The following LRRC56 variants were observed in gnomAD, a reference collection of about 807,000 sequenced individuals.
The protein encoded by LRRC56 is leucine rich repeat containing 56, also known as leucine-rich repeat-containing protein 56.
A neutral mutation model predicts 47.8 loss-of-function variants in LRRC56; 41 were observed. That is an observed-to-expected ratio of 0.86 (90% CI 0.67 to 1.11). The LOEUF (loss-of-function observed/expected upper bound fraction) is 1.11. Ranked by LOEUF, LRRC56 falls within the 50% of genes most tolerant of loss-of-function variation. LRRC56 has a pLI of 0.00. For synonymous variants in LRRC56, 387 were observed against 311.2 expected (o/e 1.24, Z -2.56); for missense variants, 759 against 704.2 (o/e 1.08, Z -0.88).
In LRRC56 at chr11:554,707, A is replaced by C. The variant is rs1420079574; in HGVS notation, c.*431A>C. On this transcript the variant is annotated 3_prime_UTR_variant, in exon 14 of 14. Transcript: ENST00000270115. The stretch of plus-strand genomic sequence containing the variant: ...CTAGGCCGCAGTGGCCCAAGGTCCC[A>C]GCTGCTCGCCTGAGGCCGCCGGGGG... 2.2e-6 allele frequency: 1 copy of C among 451,348 alleles called. No individual in the cohort carries two copies. The highest frequency in any genetic ancestry group is 2.1e-5 in the African/African-American group (1 of 47,908). The allele number at this position is 451,348 out of a possible 1,614,324, so 28.0% of individuals were successfully genotyped here. A position where few individuals can be genotyped will look rare whatever the true frequency, so the allele number is the denominator to read the frequency against.
At chr11:509,785 G>T in the LRRC56 span, among the ~76,000 whole-genome samples, 1 of 147,070 alleles carries the variant, frequency 6.8e-6, no homozygotes, top group Non-Finnish European at 1.5e-5. Flanking sequence ...GGATGGTCTC[G>T]AGCTCCTGAC....
chr11:540,848 C>A lies in LRRC56; in HGVS notation c.164C>A (p.Ser55Tyr). Residue 55 changes from serine (S) to tyrosine (Y), a missense_variant, in exon 4 of 14, where the codon TCC (serine) becomes TAC (tyrosine). Physicochemically the swap from Ser to Tyr is moderately radical, Grantham distance 144 (BLOSUM62 -2). Transcript: ENST00000270115. ...LGEQLVEEYL[S>Y]PARLQALARV... ...GAGCAGCTGGTGGAAGAGTACCTGT[C>A]CCCTGCCCGGCTGGTGAGTGTGGGC... 6.4e-7 allele frequency: 1 copy of A among 1,564,738 alleles called. No homozygotes were observed. Among genetic ancestry groups the A allele is most frequent in the South Asian group, 1.2e-5 (1 of 85,384 alleles).
chr11:551,865 C>T (rs780128279), intron 10 of LRRC56, 38 bp downstream of exon 10: 13 of 1,610,014 alleles, frequency 8.1e-6, no homozygotes, highest in Middle Eastern at 1.6e-4. Context: ...TGCAGCCCCT[C>T]GGCCCCGAAC....
At chr11:542,925 T>C (rs1211621765) in intron 5 of LRRC56, among the ~76,000 whole-genome samples, 1 of 152,038 alleles carries the variant, frequency 6.6e-6, no homozygotes, top group African/African-American at 2.4e-5. Flanking sequence ...AGATGGAGTC[T>C]CATTCTGTCG....
chr11:518,628 T>C, the LRRC56 span, among the ~76,000 whole-genome samples: 1 of 152,072 alleles, frequency 6.6e-6, no homozygotes, highest in African/African-American at 2.4e-5. Context: ...CGGCCGCCTG[T>C]TCACTTTATT....
In LRRC56 at chr11:552,154, C is replaced by T. The variant is rs199697780; in HGVS notation, c.1103C>T (p.Thr368Ile). The change falls in exon 12 of 14, where the codon ACC (threonine) becomes ATC (isoleucine). Residue 368 changes from threonine to isoleucine, a missense_variant. Thr to Ile is a moderately conservative substitution (Grantham distance 89, BLOSUM62 -1). Coordinates refer to ENST00000270115, the MANE Select transcript of LRRC56 (RefSeq NM_198075.4). ...GGAGATCCGGCCGCCAGCACTTCCACCCCAGAGCCTGACCCTGCAGACAGC... is the reference window on the plus strand; with the variant it reads ...GGAGATCCGGCCGCCAGCACTTCCATCCCAGAGCCTGACCCTGCAGACAGC... The part of the protein sequence containing the change: ...RPGDPAASTS[T>I]PEPDPADSSD... 12 of 1,612,696 alleles carry T rather than the reference C, an allele frequency of 7.4e-6. No individual in the cohort carries two copies. The East Asian group carries it at 1.1e-4, about 15-fold the overall frequency.
At chr11:508,741 C>T in the LRRC56 span, among the ~76,000 whole-genome samples, 4 of 145,486 alleles carry the variant, frequency 2.7e-5, no homozygotes, top group East Asian at 2.0e-4. Context: ...CACTCCAGTT[C>T]GGGCAACAAG....
chr11:515,241 G>A, the LRRC56 span, among the ~76,000 whole-genome samples: 1 of 151,990 alleles, frequency 6.6e-6, no homozygotes, highest in Non-Finnish European at 1.5e-5. Context: ...GGGATGGGAG[G>A]CTCTCCCATA....
At chr11:524,503 T>C in the LRRC56 span, among the ~76,000 whole-genome samples, 1 of 152,064 alleles carries the variant, frequency 6.6e-6, no homozygotes, top group Middle Eastern at 3.4e-3. Context: ...TGGTCGCAGG[T>C]GCCTGTAATC....
chr11:518,902 C>CGGGG, the LRRC56 span, among the ~76,000 whole-genome samples: 1,619 of 150,434 alleles, frequency 0.011, 23 homozygotes, highest in Middle Eastern at 0.028. Context: ...GGGACCGGGG[C>CGGGG]GGGGGGGCGT....
chr11:506,596 C>T, the LRRC56 span: 14,838 of 152,322 alleles, frequency 0.097, 997 homozygotes, highest in Admixed American at 0.19. Flanking sequence ...CTCGCACGAC[C>T]AAGACCGCCC....
the LRRC56 span, chr11:529,407 G>A: frequency 1.3e-5 from 2 of 152,386 alleles, no homozygotes; most frequent in Non-Finnish European, 2.9e-5. Context: ...TGCAGGAGGG[G>A]GTCTCAGCAG....
intron 9 of LRRC56, 51 bp from the exon 10 acceptor site, chr11:551,600 G>A: frequency 1.3e-6 from 2 of 1,514,536 alleles, no homozygotes; most frequent in Non-Finnish European, 8.8e-7. Context: ...AGAGTCTGGG[G>A]GGCGCTCTCA....
chr11:517,725 GA>G, the LRRC56 span, among the ~76,000 whole-genome samples: 1 of 152,050 alleles, frequency 6.6e-6, no homozygotes, highest in African/African-American at 2.4e-5. Flanking sequence ...TTGTCAAAAA[GA>G]AAAGGGGGAA....
chr11:525,852 A>G, the LRRC56 span, among the ~76,000 whole-genome samples: 1 of 152,162 alleles, frequency 6.6e-6, no homozygotes, highest in South Asian at 2.1e-4. Context: ...GTGAGCTACC[A>G]TCACACCACA....
At chr11:549,287 G>A (rs1187472435) in intron 6 of LRRC56, among the ~76,000 whole-genome samples, 3 of 152,196 alleles carry the variant, frequency 2.0e-5, no homozygotes, top group Admixed American at 2.0e-4. Flanking sequence ...AGCGCTGAAG[G>A]GACGGCCTCC....
At chr11:534,496 G>A (rs1851335045), upstream of LRRC56, 1 of 618,940 alleles carries the variant, frequency 1.6e-6, no homozygotes, top group East Asian at 2.7e-5. Context: ...ACGCCAGGCA[G>A]CAAGGACTGC....
At chr11:507,752 G>T in the LRRC56 span, among the ~76,000 whole-genome samples, 1 of 152,218 alleles carries the variant, frequency 6.6e-6, no homozygotes, top group Non-Finnish European at 1.5e-5. Flanking sequence ...AGAGGGGCTC[G>T]TTTGCGCCGA....
Position 541,608 on chromosome 11 carries a change from C to A in LRRC56, c.249C>A (p.Gly83=). 1 of 1,578,604 alleles carries A rather than the reference C, an allele frequency of 6.3e-7. No individual in the cohort carries two copies. Among genetic ancestry groups the A allele is most frequent in the Admixed American group, 1.8e-5 (1 of 55,758 alleles). The part of the protein sequence containing the change: ...TLEMCVDTRE[G]SLGNFGVHLP... Reference sequence around the variant, plus strand: ...AGATGTGTGTGGACACTCGTGAGGGCAGCCTGGGGAACTTTGGTGAGCCTC... The same window carrying A: ...AGATGTGTGTGGACACTCGTGAGGGAAGCCTGGGGAACTTTGGTGAGCCTC... The change falls in exon 5 of 14, where the codon GGC becomes GGA. Residue 83 remains glycine, a synonymous_variant. Coordinates refer to ENST00000270115, the MANE Select transcript of LRRC56 (RefSeq NM_198075.4). The surrounding 1 kb of genome is among the most constrained non-coding windows in gnomAD (Gnocchi z 4.1).
Sources: allele counts gnomAD v4.1 joint callset (sites outside exome capture counted in the v4.1 genomes callset), GRCh38; gene constraint gnomAD v4.1.1; non-coding constraint Gnocchi (gnomAD v3.1); transcripts MANE v1.5; gene names NCBI Gene and HGNC (gene_info 2026-07-23, HGNC 2026-07-21).